Variants in RASSF2 observed in about 807,000 individuals in gnomAD.
RASSF2 encodes the protein Ras association domain family member 2, also known as ras association domain-containing protein 2.
Under a neutral mutation model 46.3 loss-of-function variants are expected in RASSF2, and 34 were observed. The observed-to-expected ratio is 0.73, with a 90% CI of 0.56 to 0.98. The LOEUF (loss-of-function observed/expected upper bound fraction) is 0.98. Among genes scored for constraint, RASSF2 ranks in the 50% least tolerant of loss-of-function variants. The pLI is 0.00. For missense variants in RASSF2, 364 were observed against 431.2 expected, an observed-to-expected ratio of 0.84 and a Z score of 1.38; for synonymous variants, 158 against 162.5, an observed-to-expected ratio of 0.97 and a Z score of 0.21.
chr20:4,799,619 T>C (rs1926694120), intron 3 of RASSF2, among the ~76,000 whole-genome samples: 1 of 152,152 alleles, frequency 6.6e-6, no homozygotes, highest in African/African-American at 2.4e-5. Context: ...TGATTCGAAA[T>C]CACCTAAGAC....
At chr20:4,816,527 C>T (rs1928316897) in intron 2 of RASSF2, among the ~76,000 whole-genome samples, 1 of 152,016 alleles carries the variant, frequency 6.6e-6, no homozygotes, top group Non-Finnish European at 1.5e-5. Flanking sequence ...AAGTTCTGGA[C>T]ATGGATAATG....
intron 2 of RASSF2, among the ~76,000 whole-genome samples, chr20:4,807,159 T>A (rs1304682911): frequency 6.6e-6 from 1 of 152,186 alleles, no homozygotes; most frequent in Non-Finnish European, 1.5e-5. Flanking sequence ...CTTAATTTTT[T>A]AAAATATCAC....
rs759314704 is a variant in RASSF2 at position 4,801,048 on chromosome 20, A to G, written c.-18T>C. The G allele has an allele frequency of 1.4e-5, 22 of 1,612,392 alleles. No individual in the cohort carries two copies. In the South Asian group the frequency reaches 1.6e-4, roughly 12 times the overall value. On this transcript the variant is annotated 5_prime_UTR_variant, in exon 3 of 12. An upstream start codon of the reference 5' UTR is lost. Coordinates refer to ENST00000379400, the MANE Select transcript of RASSF2 (RefSeq NM_014737.3). ...TAGTCCATTCTTCCTTTCTCTTTTC[A>G]TCGGAAGGAGAGGCCTACATTTGGA...
intron 2 of RASSF2, among the ~76,000 whole-genome samples, chr20:4,820,997 G>A (rs1016911562): frequency 6.6e-6 from 1 of 152,074 alleles, no homozygotes; most frequent in Non-Finnish European, 1.5e-5. Context: ...GGCAAGCAGC[G>A]TCGTCCAGCC....
intron 3 of RASSF2, among the ~76,000 whole-genome samples, chr20:4,798,916 C>T (rs564580338): frequency 3.3e-5 from 5 of 151,200 alleles, no homozygotes; most frequent in African/African-American, 7.3e-5. Flanking sequence ...AGCCACACAA[C>T]GGAAAATTAT....
intron 3 of RASSF2, among the ~76,000 whole-genome samples, chr20:4,798,439 CCA>C (rs1926556623): frequency 6.6e-6 from 1 of 152,150 alleles, no homozygotes; most frequent in South Asian, 2.1e-4. Flanking sequence ...ACTTCAGAGC[CCA>C]CACACAGCGA....
Position 4,795,925 on chromosome 20 carries a change from G to GGAGA in RASSF2, c.173_176dup (p.Trp60LeufsTer15), listed in dbSNP as rs2122514953. ...GGCGAATGGGCCGGCGCAGGCCCCAGGAGATGTTCAGGAGCCCCTCCACAA... is the reference window on the plus strand; with the variant it reads ...GGCGAATGGGCCGGCGCAGGCCCCAGGAGAGAGATGTTCAGGAGCCCCTCCACAA... On this transcript the variant is annotated frameshift_variant, in exon 5 of 12. Coordinates refer to ENST00000379400, the MANE Select transcript of RASSF2 (RefSeq NM_014737.3). LOFTEE classifies it high-confidence loss of function. The surrounding 1 kb of genome is among the most constrained non-coding windows in gnomAD (Gnocchi z 4.0). 1 of 1,578,158 alleles carries GGAGA rather than the reference G, an allele frequency of 6.3e-7. No individual in the cohort carries two copies. Among genetic ancestry groups the GGAGA allele is most frequent in the East Asian group, 2.4e-5 (1 of 42,256 alleles).
At position 4,811,605 on chromosome 20, in the gene RASSF2, G is replaced by C. The variant is rs184870824; in HGVS notation, c.-32-10543C>G. On this transcript the variant is annotated intron_variant, in intron 2 of 11. Transcript: ENST00000379400. The stretch of plus-strand genomic sequence containing the variant: ...AATTTTCTAAAAGCAAACTGAGTTG[G>C]GTATTTAGCACCCTCTCCCTACTAC... Among the ~76,000 whole-genome samples the C allele has an allele frequency of 9.8e-4, 149 of 152,188 alleles. 2 individuals are homozygous for C. The highest frequency in any genetic ancestry group is 3.1e-3 in the African/African-American group (129 of 41,528).
intron 2 of RASSF2, among the ~76,000 whole-genome samples, chr20:4,813,539 C>T (rs759821838): frequency 9.2e-5 from 14 of 152,214 alleles, no homozygotes; most frequent in Non-Finnish European, 1.3e-4. Context: ...ACAATGGCCT[C>T]GCAGACCGGA....
At chr20:4,801,389 T>C (rs190580187) in intron 2 of RASSF2, among the ~76,000 whole-genome samples, 1 of 152,250 alleles carries the variant, frequency 6.6e-6, no homozygotes, top group East Asian at 1.9e-4. Context: ...GAAGAGACCG[T>C]CACAACACAG....
In RASSF2 at chr20:4,801,071, G is replaced by A. The variant is rs1358052392; in HGVS notation, c.-32-9C>T. ...TCATCGGAAGGAGAGGCCTACATTT[G>A]GAAGGAGAAGACAGAGGTTAAAGTC... is the stretch of plus-strand genomic sequence containing the variant. On this transcript the variant is annotated splice_polypyrimidine_tract_variant and intron_variant, in intron 2 of 11. Transcript: ENST00000379400. The A allele has an allele frequency of 6.2e-7, 1 of 1,605,970 alleles. No individual in the cohort carries two copies. Among genetic ancestry groups the A allele is most frequent in the Admixed American group, 1.7e-5 (1 of 59,914 alleles).
At position 4,795,774 on chromosome 20, in the gene RASSF2, A is replaced by T; in HGVS notation, c.287+41T>A. 1 of 1,580,672 alleles carries T rather than the reference A, an allele frequency of 6.3e-7. No homozygotes were observed. The highest frequency in any genetic ancestry group is 8.6e-7 in the Non-Finnish European group (1 of 1,161,418). ...TGCTTGAGAACACATAGAACACCCA[A>T]GCATCCCAGTCATCTCCCTGCCCCG... On this transcript the variant is annotated intron_variant, in intron 5 of 11. Transcript: ENST00000379400. This position sits in a 1 kb window ranked among gnomAD's most constrained non-coding sequence, Gnocchi z 4.0.
At chr20:4,784,432 A>G in intron 11 of RASSF2, 90 bp from the exon 12 acceptor site, 4 of 1,212,782 alleles carry the variant, frequency 3.3e-6, no homozygotes, top group Non-Finnish European at 4.9e-6. Flanking sequence ...CACCAAGGTC[A>G]CACCAGGTAA....
rs534257276 is a variant in RASSF2, at chr20:4,820,066, C to T, written c.-33+2263G>A. Among the ~76,000 whole-genome samples, 21 of 152,324 alleles carry T rather than the reference C, an allele frequency of 1.4e-4. No individual in the cohort carries two copies. In the South Asian group the frequency reaches 3.5e-3, roughly 26 times the overall value. On this transcript the variant is annotated intron_variant, in intron 2 of 11. Transcript: ENST00000379400. ...TGCATAGCCCAAGTCAGAGGATGTG[C>T]CACCCTCCTTCCCTGGTGCCTCCTG... is the stretch of plus-strand genomic sequence containing the variant.
At chr20:4,809,225 G>A (rs1215650481) in intron 2 of RASSF2, among the ~76,000 whole-genome samples, 6 of 152,150 alleles carry the variant, frequency 3.9e-5, no homozygotes, top group Admixed American at 3.9e-4. Flanking sequence ...GACAGCTTGG[G>A]GGTAAGACCT....
chr20:4,798,962 C>G (rs755850223), intron 3 of RASSF2, among the ~76,000 whole-genome samples: 1 of 151,842 alleles, frequency 6.6e-6, no homozygotes, highest in Non-Finnish European at 1.5e-5. Flanking sequence ...CACAACTACA[C>G]GCATGTGTGT....
At chr20:4,796,770 A>G (rs886324217) in intron 4 of RASSF2, among the ~76,000 whole-genome samples, 1 of 152,274 alleles carries the variant, frequency 6.6e-6, no homozygotes, top group African/African-American at 2.4e-5. Context: ...CATTTATTCT[A>G]TAGGACATAA....
chr20:4,784,346 G>A lies in RASSF2; in HGVS notation c.912-4C>T. On this transcript the variant is annotated splice_polypyrimidine_tract_variant and splice_region_variant and intron_variant, in intron 11 of 11. Transcript: ENST00000379400. The stretch of plus-strand genomic sequence containing the variant: ...CATTAGCCGGAGCACGGTGTACCTG[G>A]AGACAAGAAACAGGCTCAGATGGAG... 1 of 1,613,492 alleles carries A rather than the reference G, an allele frequency of 6.2e-7. No homozygotes were observed.
At chr20:4,817,366 A>G (rs1271258863) in intron 2 of RASSF2, among the ~76,000 whole-genome samples, 1 of 152,170 alleles carries the variant, frequency 6.6e-6, no homozygotes, top group Non-Finnish European at 1.5e-5. Flanking sequence ...TGAGTCAGGG[A>G]CTTGTTTGGG....
Sources: allele counts gnomAD v4.1 joint callset (sites outside exome capture counted in the v4.1 genomes callset), GRCh38; gene constraint gnomAD v4.1.1; non-coding constraint Gnocchi (gnomAD v3.1); transcripts MANE v1.5; gene names NCBI Gene and HGNC (gene_info 2026-07-23, HGNC 2026-07-21).